Variants in TTLL5 observed in about 807,000 individuals in gnomAD.
TTLL5 encodes tubulin tyrosine ligase like 5.
TTLL5 carries 132 observed loss-of-function variants against 168.4 expected under a neutral mutation model. That is an observed-to-expected ratio of 0.78 (90% CI 0.68 to 0.91). The LOEUF (loss-of-function observed/expected upper bound fraction) is 0.91, where lower values mean the gene tolerates loss of function less well. Ranked by LOEUF, TTLL5 falls within the 40% of genes least tolerant of loss-of-function variation. The pLI, the probability that TTLL5 is intolerant of heterozygous loss-of-function variation, is 0.00. For missense variants in TTLL5, 1,545 were observed against 1,581.5 expected, an observed-to-expected ratio of 0.98 and a Z score of 0.39; for synonymous variants, 546 against 558.6, an observed-to-expected ratio of 0.98 and a Z score of 0.32.
rs576926568 is a variant in TTLL5, at chr14:75,945,479, T to C, written c.3824-8945T>C. On this transcript the variant is annotated intron_variant, in intron 31 of 31. Transcript: ENST00000298832. ...ACCATGTTGGTCAGGATGATCTCGA[T>C]CTCTTGACCTCATGATCTGCCCGCC... Among the ~76,000 whole-genome samples the C allele has an allele frequency of 2.4e-4, 37 of 151,902 alleles. No individual in the cohort carries two copies. In the South Asian group the frequency reaches 7.7e-3, roughly 32 times the overall value.
intron 5 of TTLL5, among the ~76,000 whole-genome samples, chr14:75,685,670 C>T (rs1047178752): frequency 3.9e-5 from 6 of 152,140 alleles, no homozygotes; most frequent in African/African-American, 1.4e-4. Context: ...GCAAAATATG[C>T]ATTCTCAGGT....
In TTLL5 at chr14:75,800,184, T is replaced by C. The variant is rs375082789; in HGVS notation, c.3171+7084T>C. ...TTTTGGGGATGCCTTTTTCTTTGTC[T>C]TTGTTGGATTGGGTTAATCAAAAGC... On this transcript the variant is annotated intron_variant, in intron 27 of 31. Transcript: ENST00000298832. Among the ~76,000 whole-genome samples the C allele has an allele frequency of 7.2e-5, 11 of 152,220 alleles. No homozygotes were observed. The East Asian group carries it at 7.7e-4, about 11-fold the overall frequency.
At chr14:75,757,853 T>A in intron 18 of TTLL5, 10 of 1,593,098 alleles carry the variant, frequency 6.3e-6, no homozygotes, top group Non-Finnish European at 8.5e-6. Flanking sequence ...AAGAAGCTTA[T>A]TGACAGGAAG....
At chr14:75,681,706 C>G in intron 4 of TTLL5, 79 bp downstream of exon 4, 1 of 1,220,492 alleles carries the variant, frequency 8.2e-7, no homozygotes, top group Non-Finnish European at 1.2e-6. Flanking sequence ...TACCAGTTAA[C>G]AGGGCCAGCT....
chr14:75,768,088 G>A (rs1891068415), intron 20 of TTLL5, among the ~76,000 whole-genome samples: 1 of 152,220 alleles, frequency 6.6e-6, no homozygotes, highest in Non-Finnish European at 1.5e-5. Flanking sequence ...GGATTGTATA[G>A]TTGGTAGGTA....
chr14:75,673,091 A>G (rs559655798), intron 3 of TTLL5, among the ~76,000 whole-genome samples: 23 of 151,372 alleles, frequency 1.5e-4, no homozygotes, highest in Admixed American at 3.9e-4. Context: ...GGTGTACACC[A>G]CCATGGCTAG....
At chr14:75,793,207 C>A in intron 27 of TTLL5, 107 bp downstream of exon 27, 1 of 987,658 alleles carries the variant, frequency 1.0e-6, no homozygotes. Flanking sequence ...ACTGATGCCT[C>A]TTGAATGAGT....
At chr14:75,809,740 T>C (rs1369317479) in intron 27 of TTLL5, among the ~76,000 whole-genome samples, 3 of 152,200 alleles carry the variant, frequency 2.0e-5, no homozygotes, top group African/African-American at 7.2e-5. Context: ...CCTTCTCAGC[T>C]CTGGTAACCA....
chr14:75,916,545 G>A (rs186291974), intron 31 of TTLL5, among the ~76,000 whole-genome samples: 18 of 152,124 alleles, frequency 1.2e-4, no homozygotes, highest in Admixed American at 1.2e-3. Flanking sequence ...GACTGAGGTG[G>A]GAGGATCACT....
intron 28 of TTLL5, among the ~76,000 whole-genome samples, chr14:75,823,019 C>T (rs1319175584): frequency 6.6e-6 from 1 of 152,162 alleles, no homozygotes; most frequent in African/African-American, 2.4e-5. Flanking sequence ...AGGCCATTCT[C>T]CGGAAGAGAA....
chr14:75,723,527 G>T (rs775138765), intron 12 of TTLL5, among the ~76,000 whole-genome samples: 2 of 152,258 alleles, frequency 1.3e-5, no homozygotes, highest in East Asian at 1.9e-4. Context: ...GCTCTTATAT[G>T]AGGGTAAATT....
intron 30 of TTLL5, among the ~76,000 whole-genome samples, chr14:75,901,578 C>T (rs559539905): frequency 4.2e-4 from 64 of 152,256 alleles, no homozygotes; most frequent in African/African-American, 1.3e-3. Context: ...CTGTGGAATG[C>T]GTAGCAGTAT....
intron 27 of TTLL5, among the ~76,000 whole-genome samples, chr14:75,813,004 A>T (rs1416196170): frequency 1.3e-5 from 2 of 152,206 alleles, no homozygotes; most frequent in Non-Finnish European, 2.9e-5. Flanking sequence ...TAACACAGTG[A>T]TTAAAACAAC....
intron 27 of TTLL5, among the ~76,000 whole-genome samples, chr14:75,812,082 C>T (rs962480300): frequency 6.6e-6 from 1 of 152,130 alleles, no homozygotes; most frequent in African/African-American, 2.4e-5. Context: ...CTGCCTTATT[C>T]GGAAGATTGG....
chr14:75,860,205 C>G (rs377123765), intron 28 of TTLL5, among the ~76,000 whole-genome samples: 1 of 152,234 alleles, frequency 6.6e-6, no homozygotes, highest in East Asian at 1.9e-4. Flanking sequence ...CTCTTGCCCA[C>G]TGTCCTACCC....
intron 18 of TTLL5, among the ~76,000 whole-genome samples, chr14:75,764,267 G>T (rs1890829526): frequency 6.6e-6 from 1 of 152,162 alleles, no homozygotes; most frequent in African/African-American, 2.4e-5. Flanking sequence ...CTCAACTTAA[G>T]AATTAAGATA....
chr14:75,834,660 C>T (rs1224915291), intron 28 of TTLL5, among the ~76,000 whole-genome samples: 1 of 152,196 alleles, frequency 6.6e-6, no homozygotes, highest in Admixed American at 6.5e-5. Flanking sequence ...TAGCCTACTA[C>T]AAGAAGTCAC....
intron 29 of TTLL5, among the ~76,000 whole-genome samples, chr14:75,872,451 C>T (rs1321816087): frequency 6.6e-6 from 1 of 152,140 alleles, no homozygotes; most frequent in Non-Finnish European, 1.5e-5. Flanking sequence ...GTTTGAATCC[C>T]AGCTTACTAC....
intron 17 of TTLL5, among the ~76,000 whole-genome samples, chr14:75,747,451 G>C (rs888785959): frequency 4.0e-5 from 6 of 151,696 alleles, no homozygotes; most frequent in Non-Finnish European, 7.4e-5. Flanking sequence ...CACATGTACA[G>C]TAATTTTTTT....
Sources: allele counts gnomAD v4.1 joint callset (sites outside exome capture counted in the v4.1 genomes callset), GRCh38; gene constraint gnomAD v4.1.1; transcripts MANE v1.5; gene names NCBI Gene and HGNC (gene_info 2026-07-23, HGNC 2026-07-21).